Variants in MSH6 observed in about 807,000 individuals in gnomAD.
The protein encoded by MSH6 is mutS homolog 6, also known as DNA mismatch repair protein Msh6.
Under a neutral mutation model 119.1 loss-of-function variants are expected in MSH6, and 85 were observed. The ratio of observed to expected loss-of-function variants is 0.71; its 90% CI spans 0.60 to 0.85. The LOEUF is 0.85. MSH6 is among the 40% of genes least tolerant of loss of function. MSH6 has a pLI of 0.00. For missense variants in MSH6, 2,163 were observed against 1,655.3 expected, an observed-to-expected ratio of 1.31 and a Z score of -5.32; for synonymous variants, 830 against 586.9, an observed-to-expected ratio of 1.41 and a Z score of -5.99.
intron 1 of MSH6, among the ~76,000 whole-genome samples, chr2:47,790,032 G>C (rs926377455): frequency 2.6e-5 from 4 of 152,100 alleles, no homozygotes; most frequent in African/African-American, 9.7e-5. Context: ...TTTTAATCTA[G>C]GTTGGTTGAA....
At chr2:47,788,246 C>CTTTTTTTTTTTTTTTTTTTTTTTTTTTT (rs560110301) in intron 1 of MSH6, among the ~76,000 whole-genome samples, 4 of 90,052 alleles carry the variant, frequency 4.4e-5, no homozygotes, top group South Asian at 3.8e-4. Flanking sequence ...TTCTTTCTTT[C>CTTTTTTTTTTTTTTTTTTTTTTTTTTTT]TTTTTTTTTT....
chr2:47,788,913 T>TTTTTTTTGTTTTTTTTG (rs1558650161), intron 1 of MSH6, among the ~76,000 whole-genome samples: 6 of 55,290 alleles, frequency 1.1e-4, no homozygotes, highest in African/African-American at 4.2e-4. Flanking sequence ...CTTCCTTTTT[T>TTTTTTTTGTTTTTTTTG]TTTTTTTTGT....
At chr2:47,805,174 T>G in intron 6 of MSH6, 147 bp downstream of exon 6, 1 of 627,666 alleles carries the variant, frequency 1.6e-6, no homozygotes, top group Non-Finnish European at 2.8e-6. Context: ...AACTGCATAG[T>G]CTCTCTCTCT....
intron 6 of MSH6, 118 bp from the exon 7 acceptor site, chr2:47,805,500 G>C: frequency 1.3e-6 from 1 of 787,154 alleles, no homozygotes; most frequent in Non-Finnish European, 2.2e-6. Flanking sequence ...GTCTCTTAAT[G>C]AGATTTAATC....
At chr2:47,786,427 T>G (rs1668351560) in intron 1 of MSH6, among the ~76,000 whole-genome samples, 1 of 151,876 alleles carries the variant, frequency 6.6e-6, no homozygotes, top group Admixed American at 6.6e-5. Context: ...CTCCGCCTCC[T>G]GGGTTCCAGC....
At position 47,805,635 on chromosome 2, in the gene MSH6, G is replaced by A. The variant is rs1669959178; in HGVS notation, c.3574G>A (p.Val1192Ile). 1 of 1,603,940 alleles carries A rather than the reference G, an allele frequency of 6.2e-7. No individual in the cohort carries two copies. The highest frequency in any genetic ancestry group is 2.2e-5 in the East Asian group (1 of 44,774). ...TTTTTAAGGTGAAAGTACATTTTTT[G>A]TTGAATTAAGTGAAACTGCCAGCAT... Reference protein sequence around the residue: ...RIMSGESTFFVELSETASILM... With the variant: ...RIMSGESTFFIELSETASILM... The change falls in exon 7 of 10, where the codon GTT becomes ATT. Residue 1192 changes from valine (V) to isoleucine (I), a missense_variant. Physicochemically the swap from Val to Ile is conservative, Grantham distance 29 (BLOSUM62 3). Transcript: ENST00000234420.
rs1558389590 is a variant in MSH6 at position 47,805,003 on chromosome 2, G to C, written c.3532G>C (p.Gly1178Arg). The change falls in exon 6 of 10, where the codon GGT becomes CGT. Residue 1178 changes from glycine (G) to arginine (R), a missense_variant. Gly to Arg is a moderately radical substitution (Grantham distance 125). Transcript: ENST00000234420. Reference protein sequence around the residue: ...TPIDRVFTRLGASDRIMSGES... With the variant: ...TPIDRVFTRLRASDRIMSGES... The stretch of plus-strand genomic sequence containing the variant: ...AATTGATAGAGTGTTTACTAGACTT[G>C]GTGCCTCAGACAGAATAATGTCAGG... The C allele has an allele frequency of 6.2e-7, 1 of 1,613,594 alleles. No homozygotes were observed. Among genetic ancestry groups the C allele is most frequent in the Non-Finnish European group, 8.5e-7 (1 of 1,179,592 alleles).
rs1572699138 is a variant in MSH6, at chr2:47,783,823, G to T, written c.260+330G>T. On this transcript the variant is annotated intron_variant, in intron 1 of 9. Coordinates refer to ENST00000234420, the MANE Select transcript of MSH6 (RefSeq NM_000179.3). ...GAAGGGGCGACGCGCGCAGCTCCGG[G>T]TGGGGAGGGGGCCTGGGAGGTGGGA... The T allele has an allele frequency of 2.3e-5, 17 of 735,924 alleles. No individual in the cohort carries two copies. In the East Asian group the frequency reaches 9.6e-4, roughly 42 times the overall value. 45.6% of individuals were successfully genotyped at this position (735,924 alleles called of 1,614,324 possible). A position where few individuals can be genotyped will look rare whatever the true frequency, so the allele number is the denominator to read the frequency against.
At chr2:47,809,340 T>C, downstream of MSH6, 5 of 974,258 alleles carry the variant, frequency 5.1e-6, no homozygotes, top group Non-Finnish European at 3.1e-6. Flanking sequence ...TATAGGATTA[T>C]TCTAACAGAA....
At chr2:47,783,541 G>C in intron 1 of MSH6, 48 bp downstream of exon 1, 2 of 1,402,028 alleles carry the variant, frequency 1.4e-6, no homozygotes, top group Non-Finnish European at 1.9e-6. Flanking sequence ...GCGGCGGGGC[G>C]CTTGGAACCC....
intron 7 of MSH6, among the ~76,000 whole-genome samples, chr2:47,805,939 T>C (rs896442761): frequency 6.6e-6 from 1 of 152,206 alleles, no homozygotes; most frequent in African/African-American, 2.4e-5. Flanking sequence ...AATAAAACAT[T>C]TGTTATACTA....
Position 47,799,595 on chromosome 2 carries a change from T to C in MSH6, c.1612T>C (p.Tyr538His), listed in dbSNP as rs1365012099. Residue 538 changes from tyrosine to histidine, a missense_variant, in exon 4 of 10, where the codon TAT (tyrosine) becomes CAT (histidine). Physicochemically the swap from Tyr to His is moderately conservative, Grantham distance 83. Coordinates refer to ENST00000234420, the MANE Select transcript of MSH6 (RefSeq NM_000179.3). The part of the protein sequence containing the change: ...EGDPSENYSK[Y>H]LLSLKEKEED... ...TGATCCCTCTGAGAACTACAGTAAG[T>C]ATCTTCTTAGCCTCAAAGAAAAAGA... The C allele has an allele frequency of 6.2e-7, 1 of 1,614,194 alleles. No individual in the cohort carries two copies. The highest frequency in any genetic ancestry group is 8.5e-7 in the Non-Finnish European group (1 of 1,180,028).
At chr2:47,802,158 C>CT (rs1171815070) in intron 4 of MSH6, among the ~76,000 whole-genome samples, 2 of 152,054 alleles carry the variant, frequency 1.3e-5, no homozygotes, top group Non-Finnish European at 2.9e-5. Context: ...AGAATCATTC[C>CT]TTTTTTCTGT....
At chr2:47,785,513 C>T (rs530298340) in intron 1 of MSH6, among the ~76,000 whole-genome samples, 27 of 151,600 alleles carry the variant, frequency 1.8e-4, no homozygotes, top group Non-Finnish European at 3.7e-4. Context: ...CCACCGTGCC[C>T]GGCCGCTAGT....
chr2:47,803,762 C>A, intron 5 of MSH6, 77 bp downstream of exon 5: 1 of 1,561,174 alleles, frequency 6.4e-7, no homozygotes, highest in Non-Finnish European at 8.8e-7. Flanking sequence ...GATCATTTTC[C>A]AAACACAGTT....
intron 2 of MSH6, among the ~76,000 whole-genome samples, chr2:47,793,849 G>C (rs1364295975): frequency 6.6e-6 from 1 of 151,336 alleles, no homozygotes; most frequent in Non-Finnish European, 1.5e-5. Context: ...TCCTGCCTCT[G>C]CCTCCCAAGT....
chr2:47,806,586 T>TATTC lies in MSH6; in HGVS notation c.3938_3941dup (p.Gln1314HisfsTer6), dbSNP rs267608126. 1 of 1,613,520 alleles carries TATTC rather than the reference T, an allele frequency of 6.2e-7. No individual in the cohort carries two copies. The highest frequency in any genetic ancestry group is 8.5e-7 in the Non-Finnish European group (1 of 1,179,838). On this transcript the variant is annotated frameshift_variant, in exon 9 of 10. Coordinates refer to ENST00000234420, the MANE Select transcript of MSH6 (RefSeq NM_000179.3). LOFTEE classifies it high-confidence loss of function. ...GGCTTGCTAATCTCCCAGAGGAAGT[T>TATTC]ATTCAAAAGGGACATAGAAAAGCAA...
intron 5 of MSH6, among the ~76,000 whole-genome samples, chr2:47,804,016 C>T (rs571600593): frequency 1.3e-5 from 2 of 152,328 alleles, no homozygotes; most frequent in African/African-American, 2.4e-5. Flanking sequence ...GAAAATGTTA[C>T]AGGTTTATCC....
At position 47,798,841 on chromosome 2, in the gene MSH6, G is replaced by A. The variant is rs2104302069; in HGVS notation, c.858G>A (p.Glu286=). Residue 286 remains glutamate (E), a synonymous_variant, in exon 4 of 10, where the codon GAG becomes GAA. Transcript: ENST00000234420. Reference sequence around the variant, plus strand: ...TAAGCAGTGGAGTGGGGGATAGTGAGAGTGAAGGCCTGAACAGCCCTGTCA... The same window carrying A: ...TAAGCAGTGGAGTGGGGGATAGTGAAAGTGAAGGCCTGAACAGCCCTGTCA... ...DEISSGVGDS[E]SEGLNSPVKV... The A allele has an allele frequency of 6.2e-7, 1 of 1,614,206 alleles. No individual in the cohort carries two copies.
Sources: gnomAD v4.1 joint callset for allele counts (sites outside exome capture counted in the v4.1 genomes callset) on GRCh38, gnomAD v4.1.1 for gene constraint, MANE v1.5 for transcripts, NCBI Gene and HGNC (gene_info 2026-07-23, HGNC 2026-07-21) for gene names.